The following AK9 variants were observed in gnomAD, a reference collection of about 807,000 sequenced individuals.
The protein encoded by AK9 is adenylate kinase 9, also known as adenylate kinase domain containing 1.
AK9 carries 191 observed loss-of-function variants against 239.6 expected under a neutral mutation model. The ratio of observed to expected loss-of-function variants is 0.80; its 90% CI spans 0.71 to 0.90. The LOEUF is 0.90. Among genes scored for constraint, AK9 ranks in the 40% least tolerant of loss-of-function variants. The probability of loss-of-function intolerance (pLI) is 0.00; values close to 1 mark genes in which losing one functional copy is unlikely to be tolerated. For synonymous variants in AK9, 689 were observed against 721.0 expected (o/e 0.96, Z 0.71); for missense variants, 1,995 against 2,214.7 (o/e 0.90, Z 1.99).
chr6:109,520,337 T>A (rs1053434758), intron 29 of AK9, among the ~76,000 whole-genome samples: 4 of 152,230 alleles, frequency 2.6e-5, no homozygotes, highest in African/African-American at 9.6e-5. Context: ...TGCATATGAA[T>A]AGCCAGCTAA....
rs907565028 is a variant in AK9 at position 109,585,117 on chromosome 6, T to C, written c.2114+6A>G. ...AATCTGTTTTATCATTCTAGGCAGA[T>C]TTTACCTTGCTTCTTCTTCTTCTTT... is the stretch of plus-strand genomic sequence containing the variant. On this transcript the variant is annotated splice_donor_region_variant and intron_variant, in intron 19 of 40. Coordinates refer to ENST00000424296, the MANE Select transcript of AK9 (RefSeq NM_001145128.3). The C allele has an allele frequency of 1.7e-6, 2 of 1,153,548 alleles. No homozygotes were observed. The highest frequency in any genetic ancestry group is 1.6e-5 in the African/African-American group (1 of 62,004). The allele number at this position is 1,153,548 out of a possible 1,614,324, so 71.5% of individuals were successfully genotyped here.
intron 8 of AK9, among the ~76,000 whole-genome samples, chr6:109,647,439 C>CTAG (rs1798226636): frequency 6.6e-6 from 1 of 152,050 alleles, no homozygotes; most frequent in Admixed American, 6.6e-5. Context: ...GGTTGCAATC[C>CTAG]TAGTCTCTGA....
At chr6:109,563,982 T>C (rs771199423) in intron 23 of AK9, 98 bp downstream of exon 23, 25 of 1,245,954 alleles carry the variant, frequency 2.0e-5, no homozygotes, top group Non-Finnish European at 2.6e-5. Flanking sequence ...ATACTGAACA[T>C]TTACTTCATA....
intron 10 of AK9, among the ~76,000 whole-genome samples, chr6:109,638,848 G>A (rs1330650825): frequency 2.0e-5 from 3 of 152,054 alleles, no homozygotes; most frequent in Admixed American, 2.0e-4. Flanking sequence ...TCCCCGCCCT[G>A]TGTCCAAATG....
chr6:109,494,116 A>T, intron 39 of AK9, 21 bp from the exon 40 acceptor site: 2 of 1,560,344 alleles, frequency 1.3e-6, no homozygotes, highest in Non-Finnish European at 1.8e-6. Flanking sequence ...GGAACAATTC[A>T]AATTCTGTGT....
At chr6:109,541,436 G>A (rs1341795448) in intron 27 of AK9, among the ~76,000 whole-genome samples, 1 of 152,114 alleles carries the variant, frequency 6.6e-6, no homozygotes, top group South Asian at 2.1e-4. Context: ...TTGAGATGGA[G>A]TTTCACTATT....
At chr6:109,621,908 A>C (rs1322624647) in intron 12 of AK9, among the ~76,000 whole-genome samples, 1,907 of 40,732 alleles carry the variant, frequency 0.047, 73 homozygotes, top group African/African-American at 0.092. Flanking sequence ...AAAAAAAAAA[A>C]AAAACAAAAA....
rs556537219 is a variant in AK9 at position 109,650,187 on chromosome 6, T to C, written c.760-5499A>G. On this transcript the variant is annotated intron_variant, in intron 8 of 40. Coordinates refer to ENST00000424296, the MANE Select transcript of AK9 (RefSeq NM_001145128.3). ...GACAGAGGCATGGGCAAGGACTTCA[T>C]GTCTAAAACACCAAAAGCAATGGCA... Among the ~76,000 whole-genome samples the C allele has an allele frequency of 3.3e-3, 500 of 152,186 alleles. 2 individuals carry two copies. Among genetic ancestry groups the C allele is most frequent in the Non-Finnish European group, 6.1e-3 (414 of 68,000 alleles).
chr6:109,506,584 T>G, intron 34 of AK9, 37 bp from the exon 35 acceptor site: 1 of 1,542,854 alleles, frequency 6.5e-7, no homozygotes, highest in East Asian at 2.4e-5. Flanking sequence ...AAAAAGCTGT[T>G]AAAAACATAT....
At chr6:109,536,006 T>C (rs917931794) in intron 27 of AK9, among the ~76,000 whole-genome samples, 1 of 152,244 alleles carries the variant, frequency 6.6e-6, no homozygotes, top group Non-Finnish European at 1.5e-5. Flanking sequence ...TTGGTTACTG[T>C]AGCCTTGTAG....
At chr6:109,525,595 G>T (rs953921430) in intron 29 of AK9, among the ~76,000 whole-genome samples, 1 of 152,086 alleles carries the variant, frequency 6.6e-6, no homozygotes, top group Non-Finnish European at 1.5e-5. Flanking sequence ...AATGCAAATC[G>T]AAAACACAGT....
intron 8 of AK9, among the ~76,000 whole-genome samples, chr6:109,649,809 G>C (rs1798646413): frequency 1.3e-5 from 2 of 152,200 alleles, no homozygotes; most frequent in East Asian, 1.9e-4. Flanking sequence ...AAAGCTGGAG[G>C]CATCACGCTA....
chr6:109,679,006 G>A (rs772665004), intron 1 of AK9, among the ~76,000 whole-genome samples: 1 of 152,138 alleles, frequency 6.6e-6, no homozygotes, highest in Non-Finnish European at 1.5e-5. Flanking sequence ...CAGGGCCCTG[G>A]GTTTCAAGCA....
rs577013625 is a variant in AK9 at position 109,565,510 on chromosome 6, A to G, written c.2345-665T>C. On this transcript the variant is annotated intron_variant, in intron 21 of 40. Transcript: ENST00000424296. ...ATTTTTTTTCAAGAAGATACACCAA[A>G]AAAGACCACAAACTGGCAGTGAGAG... Among the ~76,000 whole-genome samples the G allele has an allele frequency of 5.3e-5, 8 of 152,270 alleles. No individual in the cohort carries two copies. The East Asian group carries it at 1.4e-3, about 26-fold the overall frequency.
intron 39 of AK9, among the ~76,000 whole-genome samples, chr6:109,495,092 A>G (rs1189261114): frequency 3.3e-5 from 5 of 152,198 alleles, no homozygotes; most frequent in African/African-American, 9.7e-5. Flanking sequence ...AATGGAAACA[A>G]TTTTGTGGCG....
chr6:109,658,949 C>T (rs1484045471), intron 7 of AK9, among the ~76,000 whole-genome samples: 4 of 152,044 alleles, frequency 2.6e-5, no homozygotes, highest in Non-Finnish European at 5.9e-5. Flanking sequence ...CAGTAGGTGA[C>T]CAATAACTCC....
At chr6:109,673,220 AGTGT>A (rs970046071) in intron 3 of AK9, among the ~76,000 whole-genome samples, 1 of 151,484 alleles carries the variant, frequency 6.6e-6, no homozygotes, top group Non-Finnish European at 1.5e-5. Flanking sequence ...TGTGTGTGTG[AGTGT>A]GTGTGTGTTA....
In AK9 at chr6:109,533,280, G is replaced by A. The variant is rs1217187841; in HGVS notation, c.3541C>T (p.Leu1181=). Residue 1181 remains leucine (L), a synonymous_variant, in exon 28 of 41, where the codon CTG becomes TTG. Coordinates refer to ENST00000424296, the MANE Select transcript of AK9 (RefSeq NM_001145128.3). ...ATTTTTGCCTTCATGTCTTTGATCAGTTTCTTCCTTTCTAATTTCTTCTTT... is the reference window on the plus strand; with the variant it reads ...ATTTTTGCCTTCATGTCTTTGATCAATTTCTTCCTTTCTAATTTCTTCTTT... ...KQKKKLERKK[L]IKDMKAKIRV... 1 of 1,610,318 alleles carries A rather than the reference G, an allele frequency of 6.2e-7. No individual in the cohort carries two copies. Among genetic ancestry groups the A allele is most frequent in the Non-Finnish European group, 8.5e-7 (1 of 1,178,768 alleles).
Position 109,610,356 on chromosome 6 carries a change from A to AT in AK9, c.1842+8dup, listed in dbSNP as rs1455675699. Reference sequence around the variant, plus strand: ...TCACTGATAAGAATTGCCCAGCTAGATTTTTTACCTCTCCAAGGACTTCCT... The same window carrying AT: ...TCACTGATAAGAATTGCCCAGCTAGATTTTTTTACCTCTCCAAGGACTTCCT... On this transcript the variant is annotated intron_variant, in intron 17 of 40. Transcript: ENST00000424296. The AT allele has an allele frequency of 1.4e-5, 22 of 1,550,872 alleles. No homozygotes were observed. The highest frequency in any genetic ancestry group is 1.6e-5 in the Non-Finnish European group (18 of 1,146,654).
Sources: gnomAD v4.1 joint callset for allele counts (sites outside exome capture counted in the v4.1 genomes callset) on GRCh38, gnomAD v4.1.1 for gene constraint, MANE v1.5 for transcripts, NCBI Gene and HGNC (gene_info 2026-07-23, HGNC 2026-07-21) for gene names.